ANKRD28: variants seen among roughly 807,000 people sequenced by gnomAD.
ANKRD28 encodes ankyrin repeat domain 28, also known as serine/threonine-protein phosphatase 6 regulatory ankyrin repeat subunit A.
A neutral mutation model predicts 126.5 loss-of-function variants in ANKRD28; 44 were observed. That is an observed-to-expected ratio of 0.35 (90% CI 0.27 to 0.45). The LOEUF (loss-of-function observed/expected upper bound fraction) is 0.45, where lower values mean the gene tolerates loss of function less well. Among genes scored for constraint, ANKRD28 ranks in the 20% least tolerant of loss-of-function variants. ANKRD28 has a pLI of 1.00. For missense variants in ANKRD28, 1,110 were observed against 1,316.6 expected, an observed-to-expected ratio of 0.84 and a Z score of 2.43; for synonymous variants, 442 against 468.5, an observed-to-expected ratio of 0.94 and a Z score of 0.73.
At position 15,838,056 on chromosome 3, in the gene ANKRD28, C is replaced by T. The variant is rs909625228; in HGVS notation, c.27+21321G>A. Among the ~76,000 whole-genome samples the T allele has an allele frequency of 5.3e-5, 8 of 152,120 alleles. No individual in the cohort carries two copies. The East Asian group carries it at 9.6e-4, about 18-fold the overall frequency. Reference sequence around the variant, plus strand: ...TTAGAAAAAAATAAATTCTAAGACACAAATTACTGACTCTGAAGAAGATAC... The same window carrying T: ...TTAGAAAAAAATAAATTCTAAGACATAAATTACTGACTCTGAAGAAGATAC... On this transcript the variant is annotated intron_variant, in intron 1 of 27. Transcript: ENST00000399451. This position sits in a 1 kb window ranked among gnomAD's most constrained non-coding sequence, Gnocchi z 4.0.
At chr3:15,743,513 G>T (rs962875096) in intron 4 of ANKRD28, among the ~76,000 whole-genome samples, 1 of 148,830 alleles carries the variant, frequency 6.7e-6, no homozygotes, top group Non-Finnish European at 1.5e-5. Flanking sequence ...AATATAAGTC[G>T]TATGCTCTCC....
chr3:15,846,389 C>T lies in ANKRD28; in HGVS notation c.27+12988G>A, dbSNP rs921808059. Among the ~76,000 whole-genome samples, 1 of 152,262 alleles carries T rather than the reference C, an allele frequency of 6.6e-6. No individual in the cohort carries two copies. Among genetic ancestry groups the T allele is most frequent in the Non-Finnish European group, 1.5e-5 (1 of 68,048 alleles). ...CTCCATGTCTCACATCCAGGGCACA[C>T]TGATGCAAGAGGTGAGCTCTCAAGG... On this transcript the variant is annotated intron_variant, in intron 1 of 27. Coordinates refer to the ANKRD28 transcript ENST00000399451. This position sits in a 1 kb window ranked among gnomAD's most constrained non-coding sequence, Gnocchi z 5.4.
intron 3 of ANKRD28, 116 bp downstream of exon 3, chr3:15,766,118 C>G (rs1039411691): frequency 1.4e-6 from 1 of 720,718 alleles, no homozygotes; most frequent in Non-Finnish European, 2.2e-6. Context: ...TAAGTTTCAG[C>G]TGATAAAACA....
intron 1 of ANKRD28, among the ~76,000 whole-genome samples, chr3:15,859,217 G>A (rs1050772186): frequency 1.5e-4 from 23 of 152,162 alleles, no homozygotes; most frequent in African/African-American, 5.5e-4. Flanking sequence ...GGTCGCCCGC[G>A]GACCCCGGCC....
At chr3:15,743,475 C>A (rs2057252584) in intron 4 of ANKRD28, among the ~76,000 whole-genome samples, 1 of 151,646 alleles carries the variant, frequency 6.6e-6, no homozygotes, top group African/African-American at 2.4e-5. Flanking sequence ...TCTTGACAGA[C>A]CTAAAATGTA....
At chr3:15,778,661 A>AAC (rs1298731179) in intron 2 of ANKRD28, among the ~76,000 whole-genome samples, 1 of 152,104 alleles carries the variant, frequency 6.6e-6, no homozygotes, top group African/African-American at 2.4e-5. Context: ...CTAGACCCAG[A>AAC]TTTAGAGTTC....
chr3:15,694,206 T>C (rs1019373843), intron 17 of ANKRD28, among the ~76,000 whole-genome samples: 17 of 120,662 alleles, frequency 1.4e-4, no homozygotes, highest in African/African-American at 2.0e-4. Context: ...CATTTAGTGA[T>C]TGACACTGAA....
intron 2 of ANKRD28, among the ~76,000 whole-genome samples, chr3:15,778,460 G>A (rs2125672356): frequency 6.6e-6 from 1 of 152,248 alleles, no homozygotes; most frequent in East Asian, 1.9e-4. Context: ...TCAGGAAATG[G>A]TCAGTTCTTT....
At chr3:15,746,554 G>GT (rs2057488783) in intron 4 of ANKRD28, among the ~76,000 whole-genome samples, 1 of 152,108 alleles carries the variant, frequency 6.6e-6, no homozygotes, top group African/African-American at 2.4e-5. Flanking sequence ...TGCACCCCTG[G>GT]TATGAAACCC....
Position 15,833,613 on chromosome 3 carries a change from C to G in ANKRD28, c.27+25764G>C, listed in dbSNP as rs577507718. ...TCTGTCCCTCTAGAGAACCCTAATA[C>G]AGCACCCTTGGCAACATCTGTTGTT... On this transcript the variant is annotated intron_variant, in intron 1 of 27. Coordinates refer to the ANKRD28 transcript ENST00000399451. This position sits in a 1 kb window ranked among gnomAD's most constrained non-coding sequence, Gnocchi z 4.4. 4.8e-4 allele frequency among the ~76,000 whole-genome samples: 72 copies of G among 151,260 alleles called. No homozygotes were observed. The highest frequency in any genetic ancestry group is 1.7e-3 in the African/African-American group (71 of 41,322).
chr3:15,707,802 A>T, intron 14 of ANKRD28, 122 bp downstream of exon 14: 1 of 1,194,300 alleles, frequency 8.4e-7, no homozygotes, highest in Non-Finnish European at 1.2e-6. Context: ...AAATAGACTT[A>T]GGGCAAAGAT....
chr3:15,764,379 C>A (rs899975189), intron 3 of ANKRD28, among the ~76,000 whole-genome samples: 1 of 152,124 alleles, frequency 6.6e-6, no homozygotes, highest in Non-Finnish European at 1.5e-5. Context: ...TACTATCATG[C>A]TCATGATAAG....
chr3:15,685,162 AAT>A, intron 21 of ANKRD28, 62 bp downstream of exon 21: 2 of 1,564,896 alleles, frequency 1.3e-6, no homozygotes, highest in Non-Finnish European at 1.8e-6. Flanking sequence ...TTGCCTTATA[AAT>A]ATGTCATTCT....
chr3:15,713,714 T>TA (rs2072628040), intron 9 of ANKRD28, 73 bp from the exon 10 acceptor site: 2 of 943,552 alleles, frequency 2.1e-6, no homozygotes, highest in Admixed American at 5.6e-5. Flanking sequence ...TGAAAAGTAA[T>TA]AAAAAATGCT....
At position 15,797,211 on chromosome 3, in the gene ANKRD28, A is replaced by C. The variant is rs1224788729; in HGVS notation, c.-690T>G. 1.5e-4 allele frequency: 103 copies of C among 676,062 alleles called. No individual in the cohort carries two copies. The highest frequency in any genetic ancestry group is 7.6e-4 in the South Asian group (10 of 13,244). The allele number at this position is 676,062 out of a possible 1,614,324, so 41.9% of individuals were successfully genotyped here. ...GGGAAAGGGGCAAAAAACAAAAACAAAAAAAAAAAAACCACTCTGCATTAA... is the reference window on the plus strand; with the variant it reads ...GGGAAAGGGGCAAAAAACAAAAACACAAAAAAAAAAACCACTCTGCATTAA... On this transcript the variant is annotated 5_prime_UTR_variant, in exon 1 of 28. Coordinates refer to ENST00000683139, the MANE Select transcript of ANKRD28 (RefSeq NM_001349278.2).
intron 2 of ANKRD28, among the ~76,000 whole-genome samples, chr3:15,793,043 A>G (rs1464954711): frequency 6.6e-6 from 1 of 152,200 alleles, no homozygotes; most frequent in Non-Finnish European, 1.5e-5. Context: ...ATGAATAAAA[A>G]CAACTTCAAA....
At chr3:15,685,069 G>A (rs2067954576) in intron 21 of ANKRD28, 157 bp downstream of exon 21, 2 of 668,836 alleles carry the variant, frequency 3.0e-6, no homozygotes, top group Admixed American at 2.7e-5. Flanking sequence ...GGACAGGAGT[G>A]AGCCTACGTA....
At chr3:15,856,189 C>CA (rs57558163) in intron 1 of ANKRD28, among the ~76,000 whole-genome samples, 6,415 of 147,732 alleles carry the variant, frequency 0.043, 414 homozygotes, top group African/African-American at 0.14. Context: ...TTCTGGCTTC[C>CA]AAAAAAAAAA....
At chr3:15,706,537 T>A (rs537224429) in intron 14 of ANKRD28, among the ~76,000 whole-genome samples, 1 of 152,134 alleles carries the variant, frequency 6.6e-6, no homozygotes, top group Non-Finnish European at 1.5e-5. Flanking sequence ...GTGAATAGTG[T>A]CACAATAAAC....
Sources: gnomAD v4.1 joint callset for allele counts (sites outside exome capture counted in the v4.1 genomes callset) on GRCh38, gnomAD v4.1.1 for gene constraint, Gnocchi (gnomAD v3.1) non-coding constraint, MANE v1.5 for transcripts, NCBI Gene and HGNC (gene_info 2026-07-23, HGNC 2026-07-21) for gene names.